AOPEP: variants seen among roughly 807,000 people sequenced by gnomAD.
AOPEP encodes the protein aminopeptidase O (putative), also known as aminopeptidase O.
AOPEP carries 77 observed loss-of-function variants against 98.1 expected under a neutral mutation model. That is an observed-to-expected ratio of 0.78 (90% CI 0.65 to 0.95). AOPEP has a LOEUF of 0.95. Among genes scored for constraint, AOPEP ranks in the 40% least tolerant of loss-of-function variants. The pLI is 0.00. For missense variants in AOPEP, 1,024 were observed against 1,024.7 expected (o/e 1.00, Z 0.01); for synonymous variants, 346 against 365.3 (o/e 0.95, Z 0.60).
chr9:95,149,932 G>T, the AOPEP span: 2 of 1,602,962 alleles, frequency 1.2e-6, no homozygotes, highest in South Asian at 1.1e-5. Flanking sequence ...CAGCAAAATG[G>T]CCTCGTTTAC....
At chr9:95,081,160 C>A (rs888876888) in intron 15 of AOPEP, among the ~76,000 whole-genome samples, 40 of 152,186 alleles carry the variant, frequency 2.6e-4, no homozygotes, top group African/African-American at 8.9e-4. Context: ...AGAGCCCCGA[C>A]GGGACAGTCT....
intron 1 of AOPEP, among the ~76,000 whole-genome samples, chr9:94,750,043 A>G (rs1435215869): frequency 1.3e-5 from 2 of 152,176 alleles, no homozygotes; most frequent in East Asian, 3.9e-4. Flanking sequence ...CAGACTTCTA[A>G]CTTTGCCTTT....
intron 5 of AOPEP, among the ~76,000 whole-genome samples, chr9:94,852,839 AT>A (rs2043723934): frequency 6.6e-6 from 1 of 152,158 alleles, no homozygotes; most frequent in Non-Finnish European, 1.5e-5. Context: ...CTTGGCTAGT[AT>A]TTGGTCAGCT....
chr9:95,102,477 A>G, the AOPEP span, among the ~76,000 whole-genome samples: 24 of 152,330 alleles, frequency 1.6e-4, no homozygotes, highest in East Asian at 1.3e-3. Flanking sequence ...GAATCTTACA[A>G]TTTAGCTGTG....
the AOPEP span, among the ~76,000 whole-genome samples, chr9:95,133,302 C>T: frequency 5.3e-5 from 8 of 152,350 alleles, no homozygotes; most frequent in Middle Eastern, 3.4e-3. Context: ...CGTCCTTGAA[C>T]CATGAGGCAC....
chr9:94,923,194 T>C (rs2053858574), intron 5 of AOPEP, among the ~76,000 whole-genome samples: 1 of 152,184 alleles, frequency 6.6e-6, no homozygotes, highest in Admixed American at 6.5e-5. Context: ...GCTCCCCTTC[T>C]TCCCATTCCA....
At chr9:95,150,161 G>A in the AOPEP span, 1 of 1,528,838 alleles carries the variant, frequency 6.5e-7, no homozygotes, top group East Asian at 2.3e-5. Context: ...AAACCTTCAT[G>A]CTAAAAAGGT....
intron 14 of AOPEP, among the ~76,000 whole-genome samples, chr9:95,062,720 C>T (rs1381144105): frequency 6.6e-6 from 1 of 152,198 alleles, no homozygotes; most frequent in Non-Finnish European, 1.5e-5. Flanking sequence ...GAGTGTAGCA[C>T]TGAGTCTGCT....
At chr9:94,878,477 C>CAT (rs1340059303) in intron 5 of AOPEP, among the ~76,000 whole-genome samples, 1 of 151,628 alleles carries the variant, frequency 6.6e-6, no homozygotes, top group Non-Finnish European at 1.5e-5. Flanking sequence ...GGCTCTAGAC[C>CAT]ATGAAGGATT....
intron 7 of AOPEP, among the ~76,000 whole-genome samples, chr9:94,936,082 C>T (rs2056229041): frequency 6.6e-6 from 1 of 152,184 alleles, no homozygotes; most frequent in Non-Finnish European, 1.5e-5. Flanking sequence ...TCTCTCTCTT[C>T]ACCACTTGCT....
intron 5 of AOPEP, among the ~76,000 whole-genome samples, chr9:94,867,876 C>T (rs2045885818): frequency 6.6e-6 from 1 of 152,194 alleles, no homozygotes; most frequent in African/African-American, 2.4e-5. Context: ...AGTTGCCTTT[C>T]ATTTCAACCA....
In AOPEP at chr9:94,818,658, G is replaced by A. The variant is rs575556387; in HGVS notation, c.1364+17656G>A. Among the ~76,000 whole-genome samples, 42 of 152,302 alleles carry A rather than the reference G, an allele frequency of 2.8e-4. 1 individual carries two copies. Among genetic ancestry groups the A allele is most frequent in the South Asian group, 6.2e-4 (3 of 4,816 alleles). ...AAGGTAAAGAAACCAGACATTATTTGATTCAGCTCAAAATGTATTTTTTAG... is the reference window on the plus strand; with the variant it reads ...AAGGTAAAGAAACCAGACATTATTTAATTCAGCTCAAAATGTATTTTTTAG... On this transcript the variant is annotated intron_variant, in intron 5 of 16. Coordinates refer to ENST00000375315, the MANE Select transcript of AOPEP (RefSeq NM_001193329.3).
intron 5 of AOPEP, among the ~76,000 whole-genome samples, chr9:94,820,423 A>G (rs1049946192): frequency 2.6e-5 from 4 of 152,024 alleles, no homozygotes; most frequent in African/African-American, 9.7e-5. Flanking sequence ...TAGAACACAC[A>G]CCCTATTTTA....
chr9:94,862,890 C>T (rs1369489262), intron 5 of AOPEP, among the ~76,000 whole-genome samples: 1 of 152,118 alleles, frequency 6.6e-6, no homozygotes, highest in Admixed American at 6.5e-5. Flanking sequence ...GCTTAATTCT[C>T]GGGACAAAGT....
chr9:95,052,903 C>A (rs375555687), intron 13 of AOPEP, among the ~76,000 whole-genome samples: 44 of 152,194 alleles, frequency 2.9e-4, no homozygotes, highest in African/African-American at 8.7e-4. Context: ...ATTTTAAATT[C>A]TTCCAGTTCT....
At chr9:94,790,005 C>G (rs1845320011) in intron 3 of AOPEP, among the ~76,000 whole-genome samples, 1 of 151,736 alleles carries the variant, frequency 6.6e-6, no homozygotes, top group Non-Finnish European at 1.5e-5. Context: ...TCCCGAGTAG[C>G]TGGGACTACA....
At chr9:95,132,257 G>A in the AOPEP span, among the ~76,000 whole-genome samples, 3 of 152,228 alleles carry the variant, frequency 2.0e-5, no homozygotes, top group African/African-American at 7.2e-5. Context: ...ACACCCTGCA[G>A]ACACTTTTCA....
chr9:94,889,054 C>T (rs543962886), intron 5 of AOPEP, among the ~76,000 whole-genome samples: 60 of 152,144 alleles, frequency 3.9e-4, no homozygotes, highest in African/African-American at 1.3e-3. Context: ...TTTGCAGTGG[C>T]GTGATCTCAG....
intron 2 of AOPEP, among the ~76,000 whole-genome samples, chr9:94,772,276 A>G (rs2132835011): frequency 6.6e-6 from 1 of 152,304 alleles, no homozygotes; most frequent in Non-Finnish European, 1.5e-5. Flanking sequence ...TATCTTTGTC[A>G]ACCATGACTT....
Sources: gnomAD v4.1 joint callset for allele counts (sites outside exome capture counted in the v4.1 genomes callset) on GRCh38, gnomAD v4.1.1 for gene constraint, MANE v1.5 for transcripts, NCBI Gene and HGNC (gene_info 2026-07-23, HGNC 2026-07-21) for gene names.